The following PACRG variants were observed in gnomAD, a reference collection of about 807,000 sequenced individuals.
PACRG encodes parkin coregulated gene protein.
Under a neutral mutation model 29.7 loss-of-function variants are expected in PACRG, and 29 were observed. The ratio of observed to expected loss-of-function variants is 0.98; its 90% CI spans 0.73 to 1.33. The LOEUF (loss-of-function observed/expected upper bound fraction) is 1.33. Among genes scored for constraint, PACRG ranks in the 40% most tolerant of loss-of-function variants. The pLI is 0.00. For synonymous variants in PACRG, 116 were observed against 118.7 expected, an observed-to-expected ratio of 0.98 and a Z score of 0.15; for missense variants, 279 against 316.2, an observed-to-expected ratio of 0.88 and a Z score of 0.89.
chr6:163,019,117 T>C (rs1363908005), intron 2 of PACRG, among the ~76,000 whole-genome samples: 1 of 152,216 alleles, frequency 6.6e-6, no homozygotes, highest in African/African-American at 2.4e-5. Context: ...AGTTCTTCTA[T>C]TGAGGGGCAT....
intron 2 of PACRG, among the ~76,000 whole-genome samples, chr6:162,903,644 T>A (rs145162095): frequency 4.6e-5 from 7 of 152,246 alleles, no homozygotes; most frequent in Non-Finnish European, 1.0e-4. Flanking sequence ...TCCCACTGGG[T>A]CCCTCCCTCA....
At chr6:162,752,569 A>G (rs1781590424) in intron 1 of PACRG, among the ~76,000 whole-genome samples, 1 of 152,210 alleles carries the variant, frequency 6.6e-6, no homozygotes, top group South Asian at 2.1e-4. Flanking sequence ...GTCTTGTCTT[A>G]GGAAACCAAT....
chr6:162,997,314 A>G, intron 2 of PACRG: 1 of 400,274 alleles, frequency 2.5e-6, no homozygotes, highest in South Asian at 1.9e-5. Context: ...ACATATGCTA[A>G]TGAAAAAGTA....
intron 4 of PACRG, among the ~76,000 whole-genome samples, chr6:163,135,605 G>A (rs371577897): frequency 9.9e-5 from 15 of 152,074 alleles, no homozygotes; most frequent in African/African-American, 3.4e-4. Context: ...ACAATGATTC[G>A]GGAAATCTTC....
At chr6:163,272,892 CTT>C (rs200076248) in intron 4 of PACRG, among the ~76,000 whole-genome samples, 6 of 109,452 alleles carry the variant, frequency 5.5e-5, no homozygotes, top group Admixed American at 2.8e-4. Flanking sequence ...ATGCATCATT[CTT>C]TTTTTTTTTT....
chr6:163,298,602 C>T (rs925979387), intron 4 of PACRG, among the ~76,000 whole-genome samples: 9 of 152,190 alleles, frequency 5.9e-5, no homozygotes, highest in African/African-American at 2.2e-4. Flanking sequence ...ATGTTGATTG[C>T]ATCACTCACA....
At chr6:163,146,233 C>T (rs1053800334) in intron 4 of PACRG, among the ~76,000 whole-genome samples, 1 of 152,132 alleles carries the variant, frequency 6.6e-6, no homozygotes, top group African/African-American at 2.4e-5. Flanking sequence ...TCTGGAATCC[C>T]AAGACTTGGC....
intron 3 of PACRG, among the ~76,000 whole-genome samples, chr6:163,083,683 T>C (rs941578711): frequency 7.2e-5 from 11 of 152,224 alleles, no homozygotes; most frequent in African/African-American, 2.7e-4. Context: ...CCGTGCCCAT[T>C]TTTTTAATTG....
At chr6:162,733,118 AATGCT>A (rs1434837664) in intron 1 of PACRG, among the ~76,000 whole-genome samples, 1 of 152,220 alleles carries the variant, frequency 6.6e-6, no homozygotes, top group Non-Finnish European at 1.5e-5. Context: ...CACTGTTTTA[AATGCT>A]AGGAATTTAG....
At chr6:163,303,351 T>C (rs1785075306) in intron 4 of PACRG, among the ~76,000 whole-genome samples, 1 of 152,060 alleles carries the variant, frequency 6.6e-6, no homozygotes, top group African/African-American at 2.4e-5. Flanking sequence ...ACATCTGAGA[T>C]GAATTTTTAT....
intron 4 of PACRG, among the ~76,000 whole-genome samples, chr6:163,148,036 T>G (rs1777873703): frequency 1.3e-5 from 2 of 152,216 alleles, no homozygotes; most frequent in African/African-American, 2.4e-5. Context: ...AATATGAAAT[T>G]AGGCAGGAAA....
At chr6:163,045,605 G>A (rs1438471796) in intron 2 of PACRG, among the ~76,000 whole-genome samples, 3 of 148,682 alleles carry the variant, frequency 2.0e-5, no homozygotes, top group Non-Finnish European at 4.4e-5. Flanking sequence ...TTACAGGTGT[G>A]AGCTACTGCG....
At chr6:162,778,560 T>G (rs1488553345) in intron 1 of PACRG, among the ~76,000 whole-genome samples, 36 of 152,340 alleles carry the variant, frequency 2.4e-4, no homozygotes, top group Non-Finnish European at 1.5e-5. Flanking sequence ...TATATATTTT[T>G]TACCTTTATG....
intron 2 of PACRG, among the ~76,000 whole-genome samples, chr6:162,876,130 G>A (rs565355245): frequency 5.7e-4 from 87 of 152,250 alleles, no homozygotes; most frequent in Non-Finnish European, 7.2e-4. Context: ...GGAGGGTAGC[G>A]TTTCAATATT....
chr6:163,105,737 A>G (rs472033), intron 4 of PACRG, among the ~76,000 whole-genome samples: 52,696 of 151,930 alleles, frequency 0.35, 9,390 homozygotes, highest in East Asian at 0.52. Flanking sequence ...TTAATATCCA[A>G]CATTGTGACG....
intron 4 of PACRG, among the ~76,000 whole-genome samples, chr6:163,209,315 G>T (rs1308155869): frequency 6.6e-6 from 1 of 152,222 alleles, no homozygotes; most frequent in Non-Finnish European, 1.5e-5. Context: ...TAATGTGGCA[G>T]TCCGCCTCAG....
intron 2 of PACRG, among the ~76,000 whole-genome samples, chr6:162,857,545 G>C (rs557841149): frequency 2.9e-4 from 44 of 152,146 alleles, no homozygotes; most frequent in Non-Finnish European, 3.8e-4. Context: ...ACCCAGGAAG[G>C]CTATGATTAT....
chr6:163,238,378 C>A (rs1782331368), intron 4 of PACRG, among the ~76,000 whole-genome samples: 1 of 152,270 alleles, frequency 6.6e-6, no homozygotes, highest in East Asian at 1.9e-4. Flanking sequence ...TAAGGCACTT[C>A]TTTTATAAGG....
At chr6:162,883,001 G>A (rs185788764) in intron 2 of PACRG, among the ~76,000 whole-genome samples, 15 of 152,294 alleles carry the variant, frequency 9.8e-5, no homozygotes, top group African/African-American at 3.6e-4. Context: ...GACCCTCACT[G>A]GCAGGGGCAC....
Sources: gnomAD v4.1 joint callset for allele counts (sites outside exome capture counted in the v4.1 genomes callset) on GRCh38, gnomAD v4.1.1 for gene constraint, MANE v1.5 for transcripts, NCBI Gene and HGNC (gene_info 2026-07-23, HGNC 2026-07-21) for gene names.